Variants in MBOAT2 observed in about 807,000 individuals in gnomAD.
The protein encoded by MBOAT2 is membrane bound glycerophospholipid O-acyltransferase 2.
In MBOAT2, 28 loss-of-function variants were observed where a neutral mutation model predicts 63.4. The ratio of observed to expected loss-of-function variants is 0.44; its 90% CI spans 0.33 to 0.61. MBOAT2 has a LOEUF of 0.61. Among genes scored for constraint, MBOAT2 ranks in the 20% least tolerant of loss-of-function variants. The probability of loss-of-function intolerance (pLI) is 0.03; values close to 1 mark genes in which losing one functional copy is unlikely to be tolerated. For missense variants in MBOAT2, 470 were observed against 605.8 expected, an observed-to-expected ratio of 0.78 and a Z score of 2.35; for synonymous variants, 211 against 215.6, an observed-to-expected ratio of 0.98 and a Z score of 0.19.
At chr2:8,893,351 A>G (rs1381698849) in intron 4 of MBOAT2, among the ~76,000 whole-genome samples, 2 of 152,224 alleles carry the variant, frequency 1.3e-5, no homozygotes, top group African/African-American at 4.8e-5. Context: ...GGCCCTAGAC[A>G]GCAGGGTACA....
rs2148613708 is a variant in MBOAT2, at chr2:8,924,224, T to C, written c.300-15508A>G. ...TTTCTTCCCACTCACTTTAGAACAC[T>C]TGGGGTCCTCTGTAGGGCAAATTCA... On this transcript the variant is annotated intron_variant, in intron 3 of 12. Coordinates refer to ENST00000305997, the MANE Select transcript of MBOAT2 (RefSeq NM_138799.4). Among the ~76,000 whole-genome samples, 2 of 152,320 alleles carry C rather than the reference T, an allele frequency of 1.3e-5. 1 individual carries two copies. The highest frequency in any genetic ancestry group is 6.8e-3 in the Middle Eastern group (2 of 294).
chr2:8,871,377 CGTT>C, intron 8 of MBOAT2, among the ~76,000 whole-genome samples: 1 of 152,222 alleles, frequency 6.6e-6, no homozygotes, highest in East Asian at 1.9e-4. Flanking sequence ...TCAAGGACCT[CGTT>C]CTATTGATAA....
At position 8,996,953 on chromosome 2, in the gene MBOAT2, G is replaced by A. The variant is rs565941946; in HGVS notation, c.75+6587C>T. On this transcript the variant is annotated intron_variant, in intron 1 of 12. Transcript: ENST00000305997. ...TCAGATGGGATTCAGAAAAAGATTC[G>A]TGTGCAAGGTGCAGTGGATACAGGA... Among the ~76,000 whole-genome samples the A allele has an allele frequency of 3.9e-5, 6 of 152,276 alleles. No individual in the cohort carries two copies. In the East Asian group the frequency reaches 9.6e-4, roughly 24 times the overall value.
intron 7 of MBOAT2, among the ~76,000 whole-genome samples, chr2:8,876,063 A>T (rs191884547): frequency 2.0e-5 from 3 of 152,230 alleles, no homozygotes; most frequent in South Asian, 2.1e-4. Flanking sequence ...CCTTTCCTTC[A>T]TCTCACAGAC....
rs1266100719 is a variant in MBOAT2, at chr2:8,888,047, A to G, written c.422T>C (p.Ile141Thr). ...ATGAATTTCGCAAGCCAAACTAGTG[A>G]TCTTCTGAGTAATGATCATCATTGG... Reference protein sequence around the residue: ...SGPMMIITQKITSLACEIHDG... With the variant: ...SGPMMIITQKTTSLACEIHDG... The change falls in exon 5 of 13, where the codon ATC becomes ACC. Residue 141 changes from isoleucine (I) to threonine (T), a missense_variant. This residue lies in a region of MBOAT2 where 376 missense variants were observed against 503.8 expected (regional missense o/e 0.75). Coordinates refer to ENST00000305997, the MANE Select transcript of MBOAT2 (RefSeq NM_138799.4). 5.0e-6 allele frequency: 8 copies of G among 1,613,616 alleles called. No homozygotes were observed.
intron 2 of MBOAT2, among the ~76,000 whole-genome samples, chr2:8,949,841 G>GA (rs1668692547): frequency 6.6e-6 from 1 of 152,100 alleles, no homozygotes; most frequent in Non-Finnish European, 1.5e-5. Flanking sequence ...GGTTCCATAT[G>GA]AATTTTAGTA....
intron 1 of MBOAT2, among the ~76,000 whole-genome samples, chr2:8,994,258 T>C (rs1395531616): frequency 6.6e-6 from 1 of 151,956 alleles, no homozygotes; most frequent in Non-Finnish European, 1.5e-5. Flanking sequence ...AAATCAATGC[T>C]CCAGGTGTTA....
At chr2:8,957,881 G>A (rs886453145) in intron 2 of MBOAT2, among the ~76,000 whole-genome samples, 6 of 152,058 alleles carry the variant, frequency 3.9e-5, no homozygotes, top group Admixed American at 1.3e-4. Flanking sequence ...GTTACTTCCT[G>A]TAACAAACAG....
chr2:8,881,176 G>A (rs1480745423), intron 6 of MBOAT2, among the ~76,000 whole-genome samples: 1 of 152,212 alleles, frequency 6.6e-6, no homozygotes, highest in Non-Finnish European at 1.5e-5. Flanking sequence ...ATGATGGACA[G>A]CTAGTACTTG....
chr2:8,864,863 C>T (rs923930240), intron 9 of MBOAT2, among the ~76,000 whole-genome samples: 3 of 152,202 alleles, frequency 2.0e-5, no homozygotes, highest in African/African-American at 7.2e-5. Flanking sequence ...GTAACTCTCT[C>T]CTCCTCTGGT....
chr2:8,914,217 T>C (rs1159207934), intron 3 of MBOAT2, among the ~76,000 whole-genome samples: 1 of 152,116 alleles, frequency 6.6e-6, no homozygotes, highest in African/African-American at 2.4e-5. Flanking sequence ...TATGGTACAG[T>C]GTATACTGCT....
chr2:8,946,734 C>T (rs1668442857), intron 2 of MBOAT2, among the ~76,000 whole-genome samples: 1 of 152,326 alleles, frequency 6.6e-6, no homozygotes, highest in South Asian at 2.1e-4. Context: ...GGGGGCACCA[C>T]AAACTGTGCC....
intron 3 of MBOAT2, among the ~76,000 whole-genome samples, chr2:8,939,356 G>A (rs1184609235): frequency 1.3e-5 from 2 of 152,198 alleles, no homozygotes; most frequent in Non-Finnish European, 2.9e-5. Context: ...AGTAAATCCT[G>A]CTGCTCACTC....
Position 8,858,770 on chromosome 2 carries a change from T to C in MBOAT2, c.1472A>G (p.Asn491Ser), listed in dbSNP as rs201263458. The part of the protein sequence containing the change: ...SQSKKFDEGE[N>S]SLGQNSFSTT... The stretch of plus-strand genomic sequence containing the variant: ...AGAAAAACTGTTCTGTCCCAAAGAA[T>C]TTTCTCCTTCATCAAACTTTTTGGA... Residue 491 changes from asparagine (N) to serine (S), a missense_variant, in exon 13 of 13, where the codon AAT becomes AGT. Physicochemically the swap from Asn to Ser is conservative, Grantham distance 46. This residue lies in a region of MBOAT2 where 90 missense variants were observed against 84.9 expected (regional missense o/e 1.06). Coordinates refer to ENST00000305997, the MANE Select transcript of MBOAT2 (RefSeq NM_138799.4). 5 of 1,614,172 alleles carry C rather than the reference T, an allele frequency of 3.1e-6. No homozygotes were observed. The highest frequency in any genetic ancestry group is 4.2e-6 in the Non-Finnish European group (5 of 1,180,028).
intron 3 of MBOAT2, among the ~76,000 whole-genome samples, chr2:8,940,647 G>T (rs549606876): frequency 6.6e-6 from 1 of 152,010 alleles, no homozygotes; most frequent in Non-Finnish European, 1.5e-5. Context: ...ATACCATAGA[G>T]GCATTAAAGG....
intron 8 of MBOAT2, among the ~76,000 whole-genome samples, chr2:8,870,754 G>A (rs1434090198): frequency 6.6e-6 from 1 of 152,084 alleles, no homozygotes; most frequent in Non-Finnish European, 1.5e-5. Flanking sequence ...TTGCCTTACA[G>A]CTAAAAATTC....
intron 1 of MBOAT2, among the ~76,000 whole-genome samples, chr2:8,999,165 T>C (rs929690446): frequency 1.3e-5 from 2 of 152,228 alleles, no homozygotes; most frequent in Admixed American, 1.3e-4. Context: ...ATTCAGCATA[T>C]TATCTGTAAA....
At chr2:8,872,108 T>C (rs1342247933) in intron 8 of MBOAT2, among the ~76,000 whole-genome samples, 1 of 152,186 alleles carries the variant, frequency 6.6e-6, no homozygotes, top group Non-Finnish European at 1.5e-5. Context: ...CAAGGTCCTG[T>C]GAAAGCCCAT....
At chr2:8,900,723 C>G (rs1258528720) in intron 4 of MBOAT2, among the ~76,000 whole-genome samples, 1 of 152,156 alleles carries the variant, frequency 6.6e-6, no homozygotes, top group Non-Finnish European at 1.5e-5. Flanking sequence ...AAATTTCAAG[C>G]TTTGCATACT....
Sources: gnomAD v4.1 joint callset for allele counts (sites outside exome capture counted in the v4.1 genomes callset) on GRCh38, gnomAD v4.1.1 for gene constraint, gnomAD v4.1.1 regional missense constraint, MANE v1.5 for transcripts, NCBI Gene and HGNC (gene_info 2026-07-23, HGNC 2026-07-21) for gene names.